Variants in DPP10 observed in about 807,000 individuals in gnomAD.
DPP10 encodes the protein inactive dipeptidyl peptidase 10.
A neutral mutation model predicts 120.9 loss-of-function variants in DPP10; 33 were observed. The ratio of observed to expected loss-of-function variants is 0.27; its 90% CI spans 0.21 to 0.37. DPP10 has a LOEUF of 0.37. Ranked by LOEUF, DPP10 falls within the 10% of genes least tolerant of loss-of-function variation. The pLI is 1.00. For missense variants in DPP10, 816 were observed against 942.8 expected (o/e 0.87, Z 1.76); for synonymous variants, 337 against 326.1 (o/e 1.03, Z -0.36).
intron 2 of DPP10, among the ~76,000 whole-genome samples, chr2:115,327,516 A>G (rs922651907): frequency 6.6e-6 from 1 of 152,046 alleles, no homozygotes; most frequent in Non-Finnish European, 1.5e-5. Flanking sequence ...AATACAGCCA[A>G]TTGTGGATTT....
chr2:115,016,646 A>G (rs1340745229), intron 1 of DPP10, among the ~76,000 whole-genome samples: 1 of 152,052 alleles, frequency 6.6e-6, no homozygotes, highest in East Asian at 1.9e-4. Context: ...AGGAACTCAA[A>G]CAAATTTACA....
At chr2:115,016,070 G>A (rs554198564) in intron 1 of DPP10, among the ~76,000 whole-genome samples, 97 of 152,272 alleles carry the variant, frequency 6.4e-4, no homozygotes, top group African/African-American at 2.2e-3. Flanking sequence ...GAACAAGGCT[G>A]GAAGCATCAC....
intron 1 of DPP10, among the ~76,000 whole-genome samples, chr2:114,679,981 G>A (rs746288427): frequency 1.3e-5 from 2 of 151,898 alleles, no homozygotes; most frequent in Admixed American, 6.6e-5. Context: ...ATTCTCCGCA[G>A]GTATTTTCCC....
chr2:115,801,860 T>A (rs919397073), intron 19 of DPP10, among the ~76,000 whole-genome samples: 4 of 152,208 alleles, frequency 2.6e-5, no homozygotes, highest in Admixed American at 6.5e-5. Context: ...GATTTTTGCA[T>A]CAATGTTCTT....
At chr2:115,217,836 T>C (rs2056920866) in intron 1 of DPP10, among the ~76,000 whole-genome samples, 1 of 152,182 alleles carries the variant, frequency 6.6e-6, no homozygotes, top group South Asian at 2.1e-4. Flanking sequence ...AGAATTGCCC[T>C]TGCCTGACTT....
At chr2:115,473,430 A>AC (rs1194557882) in intron 3 of DPP10, among the ~76,000 whole-genome samples, 1 of 152,206 alleles carries the variant, frequency 6.6e-6, no homozygotes, top group African/African-American at 2.4e-5. Context: ...CTAGTCAATG[A>AC]GTGAGGGCTC....
intron 3 of DPP10, among the ~76,000 whole-genome samples, chr2:115,444,932 C>G (rs1253101252): frequency 6.6e-6 from 1 of 152,124 alleles, no homozygotes; most frequent in Non-Finnish European, 1.5e-5. Flanking sequence ...TATGTCCCCA[C>G]CCAAATTTCA....
In DPP10 at chr2:114,599,447, T is replaced by C. The variant is rs565733842; in HGVS notation, c.60+156609T>C. On this transcript the variant is annotated intron_variant, in intron 1 of 25. Transcript: ENST00000410059. ...TATTTCTATAACCATAGATTAGTTT[T>C]TTCTACTCTAGGTTTTTTGGAGTGA... Among the ~76,000 whole-genome samples, 51 of 151,984 alleles carry C rather than the reference T, an allele frequency of 3.4e-4. No individual in the cohort carries two copies. The South Asian group carries it at 0.01, about 30-fold the overall frequency.
At chr2:115,425,141 G>A (rs1316924872) in intron 3 of DPP10, among the ~76,000 whole-genome samples, 1 of 152,178 alleles carries the variant, frequency 6.6e-6, no homozygotes, top group African/African-American at 2.4e-5. Flanking sequence ...ATTGGGTAGA[G>A]GTGCTGGCCC....
intron 2 of DPP10, among the ~76,000 whole-genome samples, chr2:115,337,661 TAAAAAAAAAAAAAAA>T (rs11458121): frequency 9.8e-5 from 7 of 71,684 alleles, no homozygotes; most frequent in African/African-American, 3.9e-4. Flanking sequence ...AGGCTGCTCA[TAAAAAAAAAAAAAAA>T]AAAAAAAAAA....
chr2:115,171,358 CA>C (rs752738778), intron 1 of DPP10, among the ~76,000 whole-genome samples: 57,214 of 114,088 alleles, frequency 0.5, 11,914 homozygotes, highest in African/African-American at 0.55. Flanking sequence ...GAGACTCCAT[CA>C]AAAAAAAAAA....
At chr2:115,071,399 C>T (rs1172007259) in intron 1 of DPP10, among the ~76,000 whole-genome samples, 2 of 152,156 alleles carry the variant, frequency 1.3e-5, no homozygotes, top group African/African-American at 4.8e-5. Flanking sequence ...GCACAGAAAG[C>T]CAATCACTGA....
chr2:114,801,126 G>A (rs1684166506), intron 1 of DPP10, among the ~76,000 whole-genome samples: 1 of 151,896 alleles, frequency 6.6e-6, no homozygotes, highest in Admixed American at 6.6e-5. Flanking sequence ...AGCCGGGTGT[G>A]GTGGAGGGCG....
intron 1 of DPP10, among the ~76,000 whole-genome samples, chr2:114,450,252 CAGAATTTTCTCAGTG>C (rs1225618264): frequency 6.6e-6 from 1 of 152,096 alleles, no homozygotes; most frequent in Non-Finnish European, 1.5e-5. Context: ...AAATCTTATG[CAGAATTTTCTCAGTG>C]AGAATTTTCT....
intron 1 of DPP10, among the ~76,000 whole-genome samples, chr2:115,304,282 G>A (rs1355729634): frequency 6.6e-6 from 1 of 151,918 alleles, no homozygotes; most frequent in Non-Finnish European, 1.5e-5. Context: ...ATTGAAGCAA[G>A]TCAATATAGG....
At chr2:115,018,913 C>G (rs1054629809) in intron 1 of DPP10, among the ~76,000 whole-genome samples, 1 of 151,918 alleles carries the variant, frequency 6.6e-6, no homozygotes, top group Non-Finnish European at 1.5e-5. Context: ...GGAGAGTGGA[C>G]CTCAGAGAGC....
At chr2:115,593,999 A>G (rs914569643) in intron 5 of DPP10, among the ~76,000 whole-genome samples, 1 of 152,194 alleles carries the variant, frequency 6.6e-6, no homozygotes, top group African/African-American at 2.4e-5. Context: ...CTCTTCTTGA[A>G]GTCCTCAAAA....
At chr2:115,587,856 T>A (rs554291994) in intron 5 of DPP10, among the ~76,000 whole-genome samples, 1 of 152,340 alleles carries the variant, frequency 6.6e-6, no homozygotes, top group Admixed American at 6.5e-5. Flanking sequence ...GCTTTAAATA[T>A]TAGGCATACT....
chr2:114,660,266 C>G (rs1697296298), intron 1 of DPP10, among the ~76,000 whole-genome samples: 1 of 152,174 alleles, frequency 6.6e-6, no homozygotes, highest in Admixed American at 6.5e-5. Context: ...TTAATATTTA[C>G]AGGATGCATA....
Sources: allele counts gnomAD v4.1 joint callset (sites outside exome capture counted in the v4.1 genomes callset), GRCh38; gene constraint gnomAD v4.1.1; transcripts MANE v1.5; gene names NCBI Gene and HGNC (gene_info 2026-07-23, HGNC 2026-07-21).